Variants in SGCZ observed in about 807,000 individuals in gnomAD.
SGCZ encodes sarcoglycan zeta, also known as zeta-sarcoglycan.
A neutral mutation model predicts 41.3 loss-of-function variants in SGCZ; 40 were observed. The ratio of observed to expected loss-of-function variants is 0.97; its 90% CI spans 0.75 to 1.26. The LOEUF is 1.26. Among genes scored for constraint, SGCZ ranks in the 50% most tolerant of loss-of-function variants. The pLI, the probability that SGCZ is intolerant of heterozygous loss-of-function variation, is 0.00. For synonymous variants in SGCZ, 206 were observed against 137.5 expected, an observed-to-expected ratio of 1.50 and a Z score of -3.49; for missense variants, 552 against 369.8, an observed-to-expected ratio of 1.49 and a Z score of -4.04.
At chr8:14,903,324 GA>G (rs1799027906) in intron 1 of SGCZ, among the ~76,000 whole-genome samples, 1 of 152,044 alleles carries the variant, frequency 6.6e-6, no homozygotes, top group Non-Finnish European at 1.5e-5. Flanking sequence ...CAGCAGCAGA[GA>G]AATTTTATGA....
chr8:14,254,616 TTGATATC>T (rs1430013905), intron 3 of SGCZ, among the ~76,000 whole-genome samples: 1 of 152,226 alleles, frequency 6.6e-6, no homozygotes, highest in Admixed American at 6.5e-5. Context: ...AAACATTAAT[TTGATATC>T]TGATTTACAT....
intron 3 of SGCZ, among the ~76,000 whole-genome samples, chr8:14,287,924 C>T (rs1264673752): frequency 6.6e-6 from 1 of 152,048 alleles, no homozygotes; most frequent in East Asian, 1.9e-4. Context: ...TTTAGAGGGA[C>T]TATAGGATTT....
intron 3 of SGCZ, among the ~76,000 whole-genome samples, chr8:14,289,276 A>G (rs1800757472): frequency 6.6e-6 from 1 of 151,848 alleles, no homozygotes. Flanking sequence ...ATTATGAAGA[A>G]GTATAATTTA....
chr8:15,235,662 T>G (rs1344349973), intron 1 of SGCZ, among the ~76,000 whole-genome samples: 2 of 152,220 alleles, frequency 1.3e-5, no homozygotes, highest in Non-Finnish European at 2.9e-5. Context: ...GCTCTTTTGC[T>G]GATTTAAACA....
intron 5 of SGCZ, among the ~76,000 whole-genome samples, chr8:14,133,614 A>C (rs1803106957): frequency 6.6e-6 from 1 of 152,224 alleles, no homozygotes; most frequent in Non-Finnish European, 1.5e-5. Context: ...GGGTAGGACA[A>C]GTAAAAAACT....
intron 1 of SGCZ, among the ~76,000 whole-genome samples, chr8:14,994,727 A>T (rs1208025141): frequency 6.6e-6 from 1 of 152,156 alleles, no homozygotes; most frequent in Non-Finnish European, 1.5e-5. Flanking sequence ...ATCTGACTCA[A>T]TGAGCATTTG....
At chr8:14,304,845 A>G (rs1376878485) in intron 3 of SGCZ, among the ~76,000 whole-genome samples, 1 of 152,218 alleles carries the variant, frequency 6.6e-6, no homozygotes, top group Non-Finnish European at 1.5e-5. Context: ...CTAGTTTTGC[A>G]TTAATTATGG....
In SGCZ at chr8:14,086,683, C is replaced by T. The variant is rs546154369; in HGVS notation, c.*3760G>A. 3.3e-5 allele frequency among the ~76,000 whole-genome samples: 5 copies of T among 151,484 alleles called. No homozygotes were observed. Among genetic ancestry groups the T allele is most frequent in the Non-Finnish European group, 3.0e-5 (2 of 67,698 alleles). On this transcript the variant is annotated 3_prime_UTR_variant, in exon 8 of 8. Coordinates refer to ENST00000382080, the MANE Select transcript of SGCZ (RefSeq NM_139167.4). ...CAACCATATTACTGAATCCTGTTAACCAGGCATGATTTTTCCAAAGGAACC... is the reference window on the plus strand; with the variant it reads ...CAACCATATTACTGAATCCTGTTAATCAGGCATGATTTTTCCAAAGGAACC...
intron 1 of SGCZ, among the ~76,000 whole-genome samples, chr8:14,785,307 T>C (rs1800734024): frequency 1.3e-5 from 2 of 152,020 alleles, no homozygotes; most frequent in Admixed American, 6.6e-5. Context: ...CTTTCTCAAC[T>C]GAGATCTGGA....
chr8:14,960,578 A>G (rs1563392912), intron 1 of SGCZ, among the ~76,000 whole-genome samples: 1 of 152,142 alleles, frequency 6.6e-6, no homozygotes. Context: ...TTGAGCAGCT[A>G]CAATAGTCAC....
intron 2 of SGCZ, among the ~76,000 whole-genome samples, chr8:14,413,270 C>T (rs1799409175): frequency 6.6e-6 from 1 of 151,938 alleles, no homozygotes; most frequent in South Asian, 2.1e-4. Flanking sequence ...ACAAAGGGTA[C>T]AGGTTATTCT....
intron 1 of SGCZ, among the ~76,000 whole-genome samples, chr8:15,198,713 C>T (rs1451945330): frequency 6.6e-6 from 1 of 152,200 alleles, no homozygotes; most frequent in Non-Finnish European, 1.5e-5. Flanking sequence ...TGAGGCTACA[C>T]TGTGCCAGCC....
chr8:14,575,929 A>G (rs1554454600), intron 1 of SGCZ, among the ~76,000 whole-genome samples: 1 of 135,822 alleles, frequency 7.4e-6, no homozygotes, highest in South Asian at 2.5e-4. Context: ...AAAAAAAAAA[A>G]AAAAAAGAAA....
At chr8:14,177,204 G>A (rs984737298) in intron 4 of SGCZ, among the ~76,000 whole-genome samples, 1 of 152,032 alleles carries the variant, frequency 6.6e-6, no homozygotes, top group Non-Finnish European at 1.5e-5. Flanking sequence ...AATGCCAGTG[G>A]GGACTGGGCA....
chr8:14,802,244 T>G (rs1487737831), intron 1 of SGCZ, among the ~76,000 whole-genome samples: 1 of 152,104 alleles, frequency 6.6e-6, no homozygotes, highest in East Asian at 1.9e-4. Flanking sequence ...AGACAAAAAT[T>G]TAAACCCTTA....
At chr8:15,182,393 G>A (rs919380500) in intron 1 of SGCZ, among the ~76,000 whole-genome samples, 1 of 151,956 alleles carries the variant, frequency 6.6e-6, no homozygotes, top group Admixed American at 6.6e-5. Context: ...GTATACTTAA[G>A]CACACACCTA....
intron 1 of SGCZ, among the ~76,000 whole-genome samples, chr8:14,626,314 C>A (rs555329718): frequency 1.3e-5 from 2 of 152,176 alleles, no homozygotes; most frequent in East Asian, 3.9e-4. Flanking sequence ...CTCCCCCAAC[C>A]CCCTCAACAG....
chr8:14,374,368 G>A (rs115607240), intron 2 of SGCZ, among the ~76,000 whole-genome samples: 3,018 of 152,106 alleles, frequency 0.02, 80 homozygotes, highest in African/African-American at 0.056. Context: ...AAGATGATTT[G>A]GTACATAGGT....
chr8:14,737,347 C>T lies in SGCZ; in HGVS notation c.40-182421G>A, dbSNP rs139682688. On this transcript the variant is annotated intron_variant, in intron 1 of 7. Coordinates refer to ENST00000382080, the MANE Select transcript of SGCZ (RefSeq NM_139167.4). ...GAAGCAAAAACCTCAGAATCACAGA[C>T]GGTCAATTGGAAGCAAGCTAATGTG... is the stretch of plus-strand genomic sequence containing the variant. 3.6e-4 allele frequency among the ~76,000 whole-genome samples: 55 copies of T among 152,044 alleles called. 2 individuals are homozygous for T. The East Asian group carries it at 8.9e-3, about 25-fold the overall frequency.
Sources: allele counts gnomAD v4.1 joint callset (sites outside exome capture counted in the v4.1 genomes callset), GRCh38; gene constraint gnomAD v4.1.1; transcripts MANE v1.5; gene names NCBI Gene and HGNC (gene_info 2026-07-23, HGNC 2026-07-21).